The following FSTL4 variants were observed in gnomAD, a reference collection of about 807,000 sequenced individuals.
FSTL4 encodes follistatin-related protein 4.
Under a neutral mutation model 78.2 loss-of-function variants are expected in FSTL4, and 28 were observed. The ratio of observed to expected loss-of-function variants is 0.36; its 90% CI spans 0.27 to 0.49. FSTL4 has a LOEUF of 0.49. Ranked by LOEUF, FSTL4 falls within the 20% of genes least tolerant of loss-of-function variation. The pLI is 0.98. For synonymous variants in FSTL4, 422 were observed against 440.5 expected (o/e 0.96, Z 0.53); for missense variants, 922 against 1,084.9 (o/e 0.85, Z 2.11).
chr5:133,812,667 C>G, the FSTL4 span, among the ~76,000 whole-genome samples: 1 of 152,220 alleles, frequency 6.6e-6, no homozygotes, highest in Non-Finnish European at 1.5e-5. Context: ...TCAGTGTCCC[C>G]ACTTTATTTT....
chr5:133,696,381 C>T, the FSTL4 span, among the ~76,000 whole-genome samples: 1 of 152,264 alleles, frequency 6.6e-6, no homozygotes, highest in African/African-American at 2.4e-5. Context: ...CACCAGCCTT[C>T]CTGCAGGTCC....
chr5:133,331,216 G>T (rs1754337828), intron 4 of FSTL4, among the ~76,000 whole-genome samples: 1 of 152,194 alleles, frequency 6.6e-6, no homozygotes, highest in African/African-American at 2.4e-5. Flanking sequence ...CCCCAGGCAG[G>T]GCAGGTGTGC....
In FSTL4 at chr5:133,440,101, G is replaced by T. The variant is rs1212060078; in HGVS notation, c.161-39115C>A. On this transcript the variant is annotated intron_variant, in intron 3 of 15. Coordinates refer to ENST00000265342, the MANE Select transcript of FSTL4 (RefSeq NM_015082.2). This position sits in a 1 kb window ranked among gnomAD's most constrained non-coding sequence, Gnocchi z 4.1. ...AAGGAAGAGTCACCCTGGAGCACAA[G>T]CCCTGGCTGTGGAAGAATGGCAGGT... Among the ~76,000 whole-genome samples the T allele has an allele frequency of 6.6e-6, 1 of 152,138 alleles. No individual in the cohort carries two copies. Among genetic ancestry groups the T allele is most frequent in the Non-Finnish European group, 1.5e-5 (1 of 68,002 alleles).
At chr5:133,669,083 T>C in the FSTL4 span, among the ~76,000 whole-genome samples, 1 of 152,348 alleles carries the variant, frequency 6.6e-6, no homozygotes, top group East Asian at 1.9e-4. Flanking sequence ...GGTAGCATAA[T>C]TGGATGCTTC....
chr5:133,418,159 C>A (rs569355407), intron 3 of FSTL4, among the ~76,000 whole-genome samples: 7 of 151,084 alleles, frequency 4.6e-5, no homozygotes, highest in African/African-American at 1.7e-4. Context: ...ATCAGCAAAG[C>A]TAAAATGTGG....
the FSTL4 span, among the ~76,000 whole-genome samples, chr5:133,739,425 C>T: frequency 2.0e-5 from 3 of 152,068 alleles, no homozygotes; most frequent in Admixed American, 6.6e-5. Flanking sequence ...GCCAGCAGAA[C>T]ATCAAGGCTC....
At chr5:133,548,739 AT>A (rs1759632936) in intron 3 of FSTL4, among the ~76,000 whole-genome samples, 1 of 152,188 alleles carries the variant, frequency 6.6e-6, no homozygotes, top group East Asian at 1.9e-4. Flanking sequence ...AAAATATTAT[AT>A]TGAATTTTAA....
intron 4 of FSTL4, among the ~76,000 whole-genome samples, chr5:133,349,218 G>C (rs1257975205): frequency 6.6e-6 from 1 of 152,094 alleles, no homozygotes; most frequent in Non-Finnish European, 1.5e-5. Context: ...GGTAGTCCTG[G>C]GGGAAGAACA....
intron 3 of FSTL4, among the ~76,000 whole-genome samples, chr5:133,510,218 C>T (rs1222338219): frequency 1.3e-5 from 2 of 152,186 alleles, no homozygotes; most frequent in Non-Finnish European, 2.9e-5. Context: ...AATGGAACCT[C>T]GTTGCCTTAC....
chr5:133,777,588 G>C, the FSTL4 span, among the ~76,000 whole-genome samples: 34 of 152,302 alleles, frequency 2.2e-4, no homozygotes, highest in African/African-American at 7.7e-4. Context: ...AGTTTGATTT[G>C]TCTGGTTTCT....
chr5:133,825,966 G>T, the FSTL4 span, among the ~76,000 whole-genome samples: 1 of 152,228 alleles, frequency 6.6e-6, no homozygotes, highest in African/African-American at 2.4e-5. Context: ...GTCGCCTGCC[G>T]GTGAGGCTGC....
At chr5:133,450,540 T>TA (rs905255547) in intron 3 of FSTL4, among the ~76,000 whole-genome samples, 9 of 152,292 alleles carry the variant, frequency 5.9e-5, no homozygotes, top group Admixed American at 2.6e-4. Flanking sequence ...GAATCAGGGT[T>TA]AAAAAAAGTG....
the FSTL4 span, among the ~76,000 whole-genome samples, chr5:133,773,188 A>C: frequency 6.6e-6 from 1 of 152,038 alleles, no homozygotes; most frequent in East Asian, 1.9e-4. Context: ...TTCAAGAATG[A>C]CTAAGTGATT....
chr5:133,242,385 C>G (rs1751900826), intron 7 of FSTL4, among the ~76,000 whole-genome samples: 1 of 152,046 alleles, frequency 6.6e-6, no homozygotes, highest in Admixed American at 6.5e-5. Flanking sequence ...GGCAGTGAGG[C>G]TCAGGGAGGA....
Position 133,225,278 on chromosome 5 carries a change from C to T in FSTL4, c.1184G>A (p.Gly395Glu). 6.2e-7 allele frequency: 1 copy of T among 1,614,198 alleles called. No homozygotes were observed. ...MSKQLSLLAN[G>E]SELHISSVRY... ...AACACTGCTGATGTGGAGTTCGCTC[C>T]CATTGGCTGCAGACAGGACAGTGCT... Residue 395 changes from glycine (G) to glutamate (E), a missense_variant, in exon 10 of 16, where the codon GGG (glycine) becomes GAG (glutamate). Physicochemically the swap from Gly to Glu is moderately conservative, Grantham distance 98. Transcript: ENST00000265342. This position sits in a 1 kb window ranked among gnomAD's most constrained non-coding sequence, Gnocchi z 4.6.
chr5:133,342,517 C>T (rs527304691), intron 4 of FSTL4, among the ~76,000 whole-genome samples: 1 of 152,306 alleles, frequency 6.6e-6, no homozygotes, highest in Admixed American at 6.5e-5. Flanking sequence ...TTTACCCCAA[C>T]ACCTGATGAA....
intron 3 of FSTL4, among the ~76,000 whole-genome samples, chr5:133,441,837 T>G (rs976701567): frequency 2.6e-5 from 4 of 152,268 alleles, no homozygotes; most frequent in Middle Eastern, 3.4e-3. Context: ...AAGCCCAGCT[T>G]CTCTCTTGCA....
intron 3 of FSTL4, among the ~76,000 whole-genome samples, chr5:133,558,034 T>C (rs935455646): frequency 2.4e-4 from 36 of 152,318 alleles, no homozygotes; most frequent in African/African-American, 8.4e-4. Flanking sequence ...GCTCTCTCTA[T>C]GTTGCGGACC....
chr5:133,516,891 T>C (rs953215299), intron 3 of FSTL4, among the ~76,000 whole-genome samples: 14 of 152,140 alleles, frequency 9.2e-5, no homozygotes, highest in African/African-American at 3.4e-4. Context: ...TTGGAACAAT[T>C]AGTTAACCAC....
Sources: gnomAD v4.1 joint callset for allele counts (sites outside exome capture counted in the v4.1 genomes callset) on GRCh38, gnomAD v4.1.1 for gene constraint, Gnocchi (gnomAD v3.1) non-coding constraint, MANE v1.5 for transcripts, NCBI Gene and HGNC (gene_info 2026-07-23, HGNC 2026-07-21) for gene names.